Variants in HSPA8 observed in about 807,000 individuals in gnomAD.
HSPA8 encodes the protein heat shock protein family A (Hsp70) member 8.
Under a neutral mutation model 52.8 loss-of-function variants are expected in HSPA8, and 2 were observed. The ratio of observed to expected loss-of-function variants is 0.04; its 90% CI spans 0.02 to 0.12. HSPA8 has a LOEUF of 0.12. Ranked by LOEUF, HSPA8 falls within the 10% of genes least tolerant of loss-of-function variation. HSPA8 has a pLI of 1.00. For missense variants in HSPA8, 349 were observed against 800.5 expected (o/e 0.44, Z 6.81); for synonymous variants, 436 against 274.0 (o/e 1.59, Z -5.84).
At chr11:123,058,942 A>T (rs189446113) in intron 6 of HSPA8, 112 bp from the exon 7 acceptor site, 2 of 1,396,862 alleles carry the variant, frequency 1.4e-6, no homozygotes, top group Non-Finnish European at 2.0e-6. Flanking sequence ...ACTGGCCAAC[A>T]TAAGACTTTC....
chr11:123,058,590 T>C (rs1565367009), intron 7 of HSPA8, 42 bp downstream of exon 7: 5 of 1,584,322 alleles, frequency 3.2e-6, no homozygotes, highest in Non-Finnish European at 3.5e-6. Flanking sequence ...TCAATTGAAA[T>C]ACCATTATCC....
chr11:123,059,209 C>A lies in HSPA8; in HGVS notation c.1173G>T (p.Leu391Phe). 3.1e-6 allele frequency: 5 copies of A among 1,612,472 alleles called. No homozygotes were observed. Among genetic ancestry groups the A allele is most frequent in the Non-Finnish European group, 4.2e-6 (5 of 1,180,000 alleles). The part of the protein sequence containing the change: ...SGDKSENVQD[L>F]LLLDVTPLSL... ...AAAGAGGAGTGACATCCAAGAGCAG[C>A]AAATCTTGAACATTCTCAGACTTGT... Residue 391 changes from leucine (L) to phenylalanine (F), a missense_variant, in exon 6 of 9, where the codon TTG becomes TTT. Leu to Phe is a conservative substitution (Grantham distance 22). Coordinates refer to ENST00000534624, the MANE Select transcript of HSPA8 (RefSeq NM_006597.6).
At chr11:123,058,151 C>A (rs191351967) in intron 8 of HSPA8, 101 bp downstream of exon 8, 2 of 830,448 alleles carry the variant, frequency 2.4e-6, no homozygotes, top group East Asian at 2.5e-5. Context: ...TTGGACCATT[C>A]ATCATTGTGA....
At chr11:123,062,158 T>G (rs948679710), upstream of HSPA8, 1 of 152,602 alleles carries the variant, frequency 6.6e-6, no homozygotes, top group African/African-American at 2.4e-5. Flanking sequence ...CCCGCCACCC[T>G]GCCTCTTATA....
chr11:123,060,900 A>G, intron 2 of HSPA8, 102 bp from the exon 3 acceptor site: 1 of 1,077,574 alleles, frequency 9.3e-7, no homozygotes, highest in Non-Finnish European at 1.4e-6. Context: ...AGGTAGGTGA[A>G]TTCAACTACC....
At chr11:123,058,961 A>C (rs1865404265) in intron 6 of HSPA8, 98 bp downstream of exon 6, 1 of 1,405,370 alleles carries the variant, frequency 7.1e-7, no homozygotes, top group East Asian at 2.3e-5. Flanking sequence ...TCTGGTGGAA[A>C]CTACGAATGG....
At chr11:123,057,991 CT>C (rs1193364921) in intron 8 of HSPA8, 72 bp from the exon 9 acceptor site, 2 of 1,249,014 alleles carry the variant, frequency 1.6e-6, no homozygotes, top group African/African-American at 3.0e-5. Context: ...CTGACGCAAT[CT>C]GATACTAAAA....
At chr11:123,058,611 C>G in intron 7 of HSPA8, 21 bp downstream of exon 7, 1 of 1,600,098 alleles carries the variant, frequency 6.2e-7, no homozygotes, top group South Asian at 1.1e-5. Context: ...CTGTCAAGAC[C>G]AGATGACAGT....
At position 123,058,244 on chromosome 11, in the gene HSPA8, A is replaced by AAAAC. The variant is rs1555074072; in HGVS notation, c.1755+7_1755+8insGTTT. ...GGGGGAGGAAAAAAAAAAAAAAAAA[A>AAAAC]CACAAACCTGATTCTTATCAAGCCA... On this transcript the variant is annotated splice_region_variant and intron_variant, in intron 8 of 8. Transcript: ENST00000534624. 2.8e-5 allele frequency: 42 copies of AAAAC among 1,512,184 alleles called. No individual in the cohort carries two copies. The highest frequency in any genetic ancestry group is 2.1e-4 in the South Asian group (18 of 85,296). 93.7% of individuals were successfully genotyped at this position (1,512,184 alleles called of 1,614,324 possible). A position where few individuals can be genotyped will look rare whatever the true frequency, so the allele number is the denominator to read the frequency against.
At chr11:123,058,885 T>C in intron 6 of HSPA8, 55 bp from the exon 7 acceptor site, 10 of 1,538,510 alleles carry the variant, frequency 6.5e-6, no homozygotes, top group South Asian at 2.2e-5. Context: ...GTGACAGTGC[T>C]AGGGTCCTGC....
rs1865490791 is a variant in HSPA8 at position 123,061,327 on chromosome 11, T to C, written c.-3A>G. 2 of 1,611,952 alleles carry C rather than the reference T, an allele frequency of 1.2e-6. No individual in the cohort carries two copies. The highest frequency in any genetic ancestry group is 8.5e-7 in the Non-Finnish European group (1 of 1,179,020). ...CCAACTGCAGGTCCCTTGGACATGGTTGCTGAAAAAAAGAAAAATCTGGTT... is the reference window on the plus strand; with the variant it reads ...CCAACTGCAGGTCCCTTGGACATGGCTGCTGAAAAAAAGAAAAATCTGGTT... On this transcript the variant is annotated splice_region_variant and 5_prime_UTR_variant, in exon 2 of 9. Transcript: ENST00000534624.
chr11:123,061,722 G>C (rs72488031), intron 1 of HSPA8: 15,580 of 251,504 alleles, frequency 0.062, 626 homozygotes, highest in Admixed American at 0.14. Context: ...ACCACGGTGG[G>C]ACTGGACTAA....
chr11:123,061,471 G>A (rs1865499683), intron 1 of HSPA8, 142 bp from the exon 2 acceptor site: 4 of 677,310 alleles, frequency 5.9e-6, no homozygotes, highest in Non-Finnish European at 1.0e-5. Context: ...AAGCACGCGC[G>A]AGGTCCAGAA....
intron 8 of HSPA8, 121 bp from the exon 9 acceptor site, chr11:123,058,040 A>T (rs533357883): frequency 2.8e-5 from 22 of 799,512 alleles, no homozygotes; most frequent in Non-Finnish European, 8.0e-6. Flanking sequence ...CACTACCAAC[A>T]TTAAAATAGG....
chr11:123,059,314 A>G, intron 5 of HSPA8, 53 bp from the exon 6 acceptor site: 1 of 1,500,436 alleles, frequency 6.7e-7, no homozygotes, highest in Non-Finnish European at 9.2e-7. Context: ...CCCAGTACAT[A>G]GCTCCTGTTT....
chr11:123,058,990 T>C, intron 6 of HSPA8, 69 bp downstream of exon 6: 9 of 1,467,092 alleles, frequency 6.1e-6, no homozygotes, highest in East Asian at 2.3e-5. Context: ...TCCATCATCA[T>C]AGCGAGTCAG....
In HSPA8 at chr11:123,059,083, G is replaced by A. The variant is rs775143184; in HGVS notation, c.1299C>T (p.Asp433=). The A allele has an allele frequency of 5.0e-6, 8 of 1,612,662 alleles. No individual in the cohort carries two copies. The highest frequency in any genetic ancestry group is 6.8e-6 in the Non-Finnish European group (8 of 1,179,932). ...KQTQTFTTYS[D]NQPGVLIQVY... is the part of the protein sequence containing the mutation. The stretch of plus-strand genomic sequence containing the variant: ...CCTGAATAAGCACACCAGGCTGGTT[G>A]TCAGAATAGGTAGTGAAGGTCTGTG... Residue 433 remains aspartate (D), a synonymous_variant, in exon 6 of 9, where the codon GAC becomes GAT. Coordinates refer to ENST00000534624, the MANE Select transcript of HSPA8 (RefSeq NM_006597.6).
At chr11:123,060,065 G>C (rs41297901) in intron 4 of HSPA8, 37 bp from the exon 5 acceptor site, 60 of 1,613,694 alleles carry the variant, frequency 3.7e-5, no homozygotes, top group Middle Eastern at 1.6e-4. Context: ...ATTTACGATG[G>C]ATCAAATTAA....
upstream of HSPA8, chr11:123,062,250 C>T (rs936644189): frequency 6.5e-6 from 1 of 153,328 alleles, no homozygotes; most frequent in Non-Finnish European, 1.5e-5. Context: ...GCCCGGCTGC[C>T]CTTACAAGAC....
Sources: allele counts gnomAD v4.1 joint callset, GRCh38; gene constraint gnomAD v4.1.1; transcripts MANE v1.5; gene names NCBI Gene and HGNC (gene_info 2026-07-23, HGNC 2026-07-21).